MCC: variants seen among roughly 807,000 people sequenced by gnomAD.
The protein encoded by MCC is colorectal mutant cancer protein.
Under a neutral mutation model 116.2 loss-of-function variants are expected in MCC, and 90 were observed. That is an observed-to-expected ratio of 0.77 (90% CI 0.65 to 0.92). MCC has a LOEUF of 0.92. MCC is among the 40% of genes least tolerant of loss of function. The pLI is 0.00. For synonymous variants in MCC, 578 were observed against 510.5 expected (o/e 1.13, Z -1.78); for missense variants, 1,516 against 1,312.2 (o/e 1.16, Z -2.40).
chr5:113,035,067 T>C (rs1475975609), intron 17 of MCC, among the ~76,000 whole-genome samples: 1 of 152,194 alleles, frequency 6.6e-6, no homozygotes, highest in Non-Finnish European at 1.5e-5. Flanking sequence ...ACTTGTCTGT[T>C]TGCGGCCTCT....
At chr5:113,483,863 T>C (rs559709605) in intron 1 of MCC, among the ~76,000 whole-genome samples, 1 of 148,242 alleles carries the variant, frequency 6.7e-6, no homozygotes, top group South Asian at 2.1e-4. Context: ...TACACAGTCA[T>C]AAAAAAAAAA....
At chr5:113,104,105 T>C in intron 7 of MCC, 87 bp downstream of exon 7, 2 of 1,315,966 alleles carry the variant, frequency 1.5e-6, no homozygotes. Context: ...CTAGTAAGTA[T>C]TTAAGAAAAC....
At chr5:113,352,986 G>GT (rs1768314964) in intron 2 of MCC, among the ~76,000 whole-genome samples, 1 of 152,114 alleles carries the variant, frequency 6.6e-6, no homozygotes. Context: ...GAGCCCTCTT[G>GT]TAACATGGCT....
At chr5:113,380,699 G>A (rs572014158) in intron 2 of MCC, among the ~76,000 whole-genome samples, 1 of 152,354 alleles carries the variant, frequency 6.6e-6, no homozygotes, top group South Asian at 2.1e-4. Context: ...ATAAGGGTGA[G>A]TGGTATGAAG....
At chr5:113,080,803 TAAC>T (rs1158997813) in intron 11 of MCC, among the ~76,000 whole-genome samples, 12 of 134,218 alleles carry the variant, frequency 8.9e-5, no homozygotes, top group African/African-American at 3.4e-4. Context: ...AAAGTATAAT[TAAC>T]AACAACAACA....
intron 1 of MCC, among the ~76,000 whole-genome samples, chr5:113,469,714 T>C (rs1480693100): frequency 6.6e-6 from 1 of 152,216 alleles, no homozygotes; most frequent in Non-Finnish European, 1.5e-5. Flanking sequence ...GGTGCAGAGC[T>C]GAGTTCAATT....
intron 3 of MCC, among the ~76,000 whole-genome samples, chr5:113,249,740 C>T (rs1473799019): frequency 6.6e-6 from 1 of 152,192 alleles, no homozygotes; most frequent in Non-Finnish European, 1.5e-5. Context: ...CATGCTTCAT[C>T]TCCCTTTCAA....
At chr5:113,290,831 T>C (rs1408299832) in intron 3 of MCC, among the ~76,000 whole-genome samples, 1 of 152,210 alleles carries the variant, frequency 6.6e-6, no homozygotes, top group Non-Finnish European at 1.5e-5. Flanking sequence ...ATGCTTTTGA[T>C]TTGCCTGATG....
chr5:113,201,465 C>G (rs540081212), intron 3 of MCC, among the ~76,000 whole-genome samples: 2 of 152,048 alleles, frequency 1.3e-5, no homozygotes, highest in Admixed American at 1.3e-4. Context: ...AATCTAGGGC[C>G]CCAAGTCAGA....
Position 113,064,170 on chromosome 5 carries a change from A to G in MCC, c.2030-3T>C, listed in dbSNP as rs1356599454. ...GTTTTCATCCCCCGACTGGTCTCCT[A>G]TGTGGCAGAGAAGCCAACGGATTAA... On this transcript the variant is annotated splice_region_variant and splice_polypyrimidine_tract_variant and intron_variant, in intron 13 of 18. Coordinates refer to ENST00000408903, the MANE Select transcript of MCC (RefSeq NM_001085377.2). 6.2e-7 allele frequency: 1 copy of G among 1,605,470 alleles called. No homozygotes were observed. The highest frequency in any genetic ancestry group is 8.5e-7 in the Non-Finnish European group (1 of 1,174,590).
At position 113,385,360 on chromosome 5, in the gene MCC, AGT is replaced by A. The variant is rs1769229274; in HGVS notation, c.171-150_171-149del. ...TCTCATTGTTTCTAGAAAAGTGATAAGTGTATGAAAAAAACGTGTTCCATTTG... is the reference window on the plus strand; with the variant it reads ...TCTCATTGTTTCTAGAAAAGTGATAAGTATGAAAAAAACGTGTTCCATTTG... On this transcript the variant is annotated intron_variant, in intron 1 of 18. Transcript: ENST00000408903. 8.0e-6 allele frequency: 7 copies of A among 878,216 alleles called. No homozygotes were observed. In the Admixed American group the frequency reaches 1.4e-4, roughly 17 times the overall value. The allele number at this position is 878,216 out of a possible 1,614,324, so 54.4% of individuals were successfully genotyped here.
At chr5:113,465,540 C>T (rs1771877689) in intron 1 of MCC, among the ~76,000 whole-genome samples, 1 of 151,984 alleles carries the variant, frequency 6.6e-6, no homozygotes, top group African/African-American at 2.4e-5. Context: ...GCTGCATAAC[C>T]ATATAAAGCT....
At chr5:113,254,764 C>G (rs1181903839) in intron 3 of MCC, among the ~76,000 whole-genome samples, 1 of 152,128 alleles carries the variant, frequency 6.6e-6, no homozygotes, top group Admixed American at 6.5e-5. Flanking sequence ...CTGGATCCAA[C>G]CAACAAAAGC....
In MCC at chr5:113,163,096, G is replaced by T. The variant is rs190676232; in HGVS notation, c.628-11674C>A. ...CCTAAACAGCCTGGAAACTGGAGTA[G>T]CCTCATGCCCGCTTTGCACCCTCTG... On this transcript the variant is annotated intron_variant, in intron 3 of 18. Transcript: ENST00000408903. Among the ~76,000 whole-genome samples the T allele has an allele frequency of 1.0e-3, 153 of 152,264 alleles. 1 individual carries two copies. Among genetic ancestry groups the T allele is most frequent in the African/African-American group, 3.5e-3 (146 of 41,540 alleles).
At chr5:113,484,764 A>G (rs761652849) in intron 1 of MCC, among the ~76,000 whole-genome samples, 4 of 152,244 alleles carry the variant, frequency 2.6e-5, no homozygotes, top group Non-Finnish European at 5.9e-5. Flanking sequence ...AGTTTCTTAT[A>G]TTGAACGGTA....
intron 3 of MCC, among the ~76,000 whole-genome samples, chr5:113,266,881 T>C (rs1191299057): frequency 1.3e-5 from 2 of 152,076 alleles, no homozygotes; most frequent in East Asian, 1.9e-4. Context: ...CAATGGGTCA[T>C]AAAATCAGGG....
Position 113,024,047 on chromosome 5 carries a change from T to A in MCC, c.*3255A>T, listed in dbSNP as rs1221592060. 1.5e-5 allele frequency: 1 copy of A among 64,822 alleles called. No homozygotes were observed. Among genetic ancestry groups the A allele is most frequent in the African/African-American group, 7.4e-5 (1 of 13,442 alleles). The allele number at this position is 64,822 out of a possible 1,614,324, so 4.0% of individuals were successfully genotyped here. A position where few individuals can be genotyped will look rare whatever the true frequency, so the allele number is the denominator to read the frequency against. The stretch of plus-strand genomic sequence containing the variant: ...CATGTTTTCCTTAGAGTGGTAACTT[T>A]CTTTACTACTCCTTAACAGCTTTTA... On this transcript the variant is annotated 3_prime_UTR_variant, in exon 19 of 19. Transcript: ENST00000408903.
intron 3 of MCC, among the ~76,000 whole-genome samples, chr5:113,189,805 G>A (rs1246803126): frequency 6.6e-6 from 1 of 152,194 alleles, no homozygotes; most frequent in Non-Finnish European, 1.5e-5. Flanking sequence ...AAATAGGCAA[G>A]TTCACTCACT....
chr5:113,090,292 T>A (rs1561799830), intron 8 of MCC, among the ~76,000 whole-genome samples: 1 of 151,882 alleles, frequency 6.6e-6, no homozygotes, highest in South Asian at 2.1e-4. Context: ...TGGCTTCTAT[T>A]TTCTCTGCTA....
Sources: allele counts gnomAD v4.1 joint callset (sites outside exome capture counted in the v4.1 genomes callset), GRCh38; gene constraint gnomAD v4.1.1; transcripts MANE v1.5; gene names NCBI Gene and HGNC (gene_info 2026-07-23, HGNC 2026-07-21).